GRM8: variants seen among roughly 807,000 people sequenced by gnomAD.
GRM8 encodes the protein metabotropic glutamate receptor 8.
Under a neutral mutation model 87.2 loss-of-function variants are expected in GRM8, and 47 were observed. The observed-to-expected ratio is 0.54, with a 90% CI of 0.43 to 0.69. The LOEUF is 0.69. Ranked by LOEUF, GRM8 falls within the 30% of genes least tolerant of loss-of-function variation. The pLI is 0.00. For synonymous variants in GRM8, 396 were observed against 404.5 expected, an observed-to-expected ratio of 0.98 and a Z score of 0.25; for missense variants, 1,019 against 1,139.2, an observed-to-expected ratio of 0.89 and a Z score of 1.52.
chr7:126,672,642 A>G (rs1186870286), intron 7 of GRM8, among the ~76,000 whole-genome samples: 2 of 152,182 alleles, frequency 1.3e-5, no homozygotes, highest in Non-Finnish European at 2.9e-5. Flanking sequence ...GAAGCACAAC[A>G]TGCTGGCAAA....
chr7:127,231,882 T>TA (rs398006185), intron 2 of GRM8, among the ~76,000 whole-genome samples: 1 of 151,312 alleles, frequency 6.6e-6, no homozygotes, highest in African/African-American at 2.4e-5. Context: ...CTTTTTTTTT[T>TA]AAACAATTGA....
At chr7:126,602,755 C>G (rs1209364855) in intron 8 of GRM8, among the ~76,000 whole-genome samples, 2 of 151,714 alleles carry the variant, frequency 1.3e-5, no homozygotes, top group Admixed American at 6.6e-5. Context: ...AGTTTACCAA[C>G]CAAAAAGAGT....
rs542109061 is a variant in GRM8 at position 127,207,336 on chromosome 7, A to T, written c.510+35359T>A. ...CTCGGTAATTCATCAAATAATATTAACCAGCAAGGGAGGGAAGTAATTAAG... is the reference window on the plus strand; with the variant it reads ...CTCGGTAATTCATCAAATAATATTATCCAGCAAGGGAGGGAAGTAATTAAG... On this transcript the variant is annotated intron_variant, in intron 2 of 10. Transcript: ENST00000339582. Among the ~76,000 whole-genome samples, 5 of 152,278 alleles carry T rather than the reference A, an allele frequency of 3.3e-5. No homozygotes were observed. In the East Asian group the frequency reaches 9.7e-4, roughly 29 times the overall value.
Position 126,533,451 on chromosome 7 carries a change from T to C in GRM8, c.1931A>G (p.Asp644Gly). Reference protein sequence around the residue: ...SITFLMIAAPDTIICSFRRVF... With the variant: ...SITFLMIAAPGTIICSFRRVF... ...CCGTCGGAAGGAGCATATGATTGTA[T>C]CTGGTGCTGCAATCATTAAAAACGT... Residue 644 changes from aspartate (D) to glycine (G), a missense_variant, in exon 9 of 11, where the codon GAT becomes GGT. By Grantham distance (94) the Asp-to-Gly change is moderately conservative. Coordinates refer to ENST00000339582, the MANE Select transcript of GRM8 (RefSeq NM_000845.3). 1 of 1,613,860 alleles carries C rather than the reference T, an allele frequency of 6.2e-7. No homozygotes were observed. Among genetic ancestry groups the C allele is most frequent in the Middle Eastern group, 1.7e-4 (1 of 6,060 alleles).
At chr7:126,867,603 A>C (rs1280522450) in intron 6 of GRM8, among the ~76,000 whole-genome samples, 3 of 152,210 alleles carry the variant, frequency 2.0e-5, no homozygotes, top group Admixed American at 6.5e-5. Context: ...AAAATGAGAC[A>C]TTAAAGGAGG....
At chr7:126,830,513 C>T (rs1795258513) in intron 6 of GRM8, among the ~76,000 whole-genome samples, 1 of 152,222 alleles carries the variant, frequency 6.6e-6, no homozygotes, top group East Asian at 1.9e-4. Flanking sequence ...GAGGCGTCTG[C>T]ATTCTTCACA....
intron 7 of GRM8, among the ~76,000 whole-genome samples, chr7:126,718,860 T>C (rs1453565462): frequency 1.3e-5 from 2 of 152,226 alleles, no homozygotes; most frequent in African/African-American, 4.8e-5. Context: ...CTCCAAATCA[T>C]TTTCATAATC....
At chr7:126,583,909 C>T (rs1171564034) in intron 8 of GRM8, among the ~76,000 whole-genome samples, 1 of 152,156 alleles carries the variant, frequency 6.6e-6, no homozygotes, top group South Asian at 2.1e-4. Context: ...GTAAGTTCTA[C>T]AGTAGGTAAA....
In GRM8 at chr7:126,810,079, C is replaced by T. The variant is rs994039725; in HGVS notation, c.1157-40014G>A. ...ACCTATGTATAAAGGGGAAAACATA[C>T]TCTCATTATAAAGACAATTCAACTT... is the stretch of plus-strand genomic sequence containing the variant. On this transcript the variant is annotated intron_variant, in intron 6 of 10. Transcript: ENST00000339582. Among the ~76,000 whole-genome samples the T allele has an allele frequency of 2.0e-5, 3 of 152,226 alleles. No individual in the cohort carries two copies. The East Asian group carries it at 5.8e-4, about 29-fold the overall frequency.
At chr7:126,836,527 C>A (rs527243733) in intron 6 of GRM8, among the ~76,000 whole-genome samples, 1 of 151,810 alleles carries the variant, frequency 6.6e-6, no homozygotes, top group Admixed American at 6.6e-5. Context: ...CCTATTCTCT[C>A]CTCCTCATTC....
intron 2 of GRM8, among the ~76,000 whole-genome samples, chr7:127,186,386 C>T (rs1794736905): frequency 6.6e-6 from 1 of 152,130 alleles, no homozygotes; most frequent in South Asian, 2.1e-4. Flanking sequence ...CCTTTATGGT[C>T]TACATTAAGG....
chr7:126,480,713 T>C (rs1806568816), intron 9 of GRM8, among the ~76,000 whole-genome samples: 1 of 152,132 alleles, frequency 6.6e-6, no homozygotes, highest in Non-Finnish European at 1.5e-5. Context: ...TATTTATGTG[T>C]ACGTGTGTAT....
intron 8 of GRM8, among the ~76,000 whole-genome samples, chr7:126,606,889 C>T (rs576552523): frequency 3.9e-5 from 6 of 151,952 alleles, no homozygotes; most frequent in Non-Finnish European, 8.8e-5. Context: ...GCGTATATGG[C>T]GAGATGTGTA....
intron 3 of GRM8, among the ~76,000 whole-genome samples, chr7:126,997,741 C>T (rs1022078732): frequency 6.6e-6 from 1 of 151,554 alleles, no homozygotes; most frequent in Admixed American, 6.6e-5. Context: ...CATGAAGAAA[C>T]CCAAAAATGG....
At chr7:126,753,315 A>G (rs1219568566) in intron 7 of GRM8, among the ~76,000 whole-genome samples, 1 of 151,840 alleles carries the variant, frequency 6.6e-6, no homozygotes, top group Non-Finnish European at 1.5e-5. Flanking sequence ...AAATGGCATA[A>G]TAACACTCTT....
intron 2 of GRM8, among the ~76,000 whole-genome samples, chr7:127,216,517 C>CAAAAAAAAAAAAAAAAAAAAAAAAAA (rs58730624): frequency 1.6e-5 from 1 of 62,968 alleles, no homozygotes; most frequent in Non-Finnish European, 3.4e-5. Flanking sequence ...GACTCCGTCT[C>CAAAAAAAAAAAAAAAAAAAAAAAAAA]AAAAAAAAAA....
chr7:126,909,143 G>A (rs1261003365), intron 3 of GRM8, among the ~76,000 whole-genome samples: 11 of 152,170 alleles, frequency 7.2e-5, no homozygotes, highest in Non-Finnish European at 1.6e-4. Flanking sequence ...TCAGACAAGG[G>A]TGTAAATTAG....
At chr7:126,678,845 A>G (rs994170404) in intron 7 of GRM8, among the ~76,000 whole-genome samples, 7 of 152,208 alleles carry the variant, frequency 4.6e-5, no homozygotes, top group Admixed American at 4.6e-4. Flanking sequence ...GGTCCTCTCT[A>G]TTGTATTAAA....
intron 7 of GRM8, among the ~76,000 whole-genome samples, chr7:126,767,507 AT>A (rs1165381040): frequency 2.0e-5 from 3 of 152,140 alleles, no homozygotes; most frequent in African/African-American, 7.2e-5. Flanking sequence ...GCTTGCTTCT[AT>A]CATATAATGA....
Sources: gnomAD v4.1 joint callset for allele counts (sites outside exome capture counted in the v4.1 genomes callset) on GRCh38, gnomAD v4.1.1 for gene constraint, MANE v1.5 for transcripts, NCBI Gene and HGNC (gene_info 2026-07-23, HGNC 2026-07-21) for gene names.